Variants in KSR2 observed in about 807,000 individuals in gnomAD.
The protein encoded by KSR2 is kinase suppressor of ras 2.
A neutral mutation model predicts 107.8 loss-of-function variants in KSR2; 25 were observed. The observed-to-expected ratio is 0.23, with a 90% CI of 0.17 to 0.32. KSR2 has a LOEUF of 0.32. Ranked by LOEUF, KSR2 falls within the 10% of genes least tolerant of loss-of-function variation. The pLI is 1.00. For synonymous variants in KSR2, 480 were observed against 507.0 expected, an observed-to-expected ratio of 0.95 and a Z score of 0.71; for missense variants, 887 against 1,268.9, an observed-to-expected ratio of 0.70 and a Z score of 4.57.
At chr12:117,667,321 G>A (rs953384330) in intron 5 of KSR2, among the ~76,000 whole-genome samples, 153 bp downstream of exon 5, 2 of 152,288 alleles carry the variant, frequency 1.3e-5, no homozygotes, top group African/African-American at 2.4e-5. Flanking sequence ...GGGGGGCTGT[G>A]GGCAGATGAT....
chr12:117,847,156 C>T (rs1360961318), intron 3 of KSR2, among the ~76,000 whole-genome samples: 1 of 152,150 alleles, frequency 6.6e-6, no homozygotes, highest in Non-Finnish European at 1.5e-5. Context: ...CTGTGGGCTC[C>T]GGGAGGAGCA....
At position 117,886,105 on chromosome 12, in the gene KSR2, A is replaced by G. The variant is rs943642477; in HGVS notation, c.181-25674T>C. 3.7e-4 allele frequency among the ~76,000 whole-genome samples: 56 copies of G among 151,862 alleles called. 1 individual carries two copies. The highest frequency in any genetic ancestry group is 1.2e-3 in the African/African-American group (51 of 41,460). On this transcript the variant is annotated intron_variant, in intron 1 of 19. Transcript: ENST00000339824. The stretch of plus-strand genomic sequence containing the variant: ...ACTGAGACTCCGTCTCAAAAAAAAA[A>G]AAAACCTGCACATTCTGCACAAGTA...
intron 4 of KSR2, among the ~76,000 whole-genome samples, chr12:117,711,803 T>C (rs1177801800): frequency 6.6e-6 from 1 of 152,184 alleles, no homozygotes; most frequent in Non-Finnish European, 1.5e-5. Context: ...TGCTATAATA[T>C]ACAAAGCAGA....
intron 14 of KSR2, among the ~76,000 whole-genome samples, chr12:117,486,970 A>T (rs896626194): frequency 6.6e-6 from 1 of 151,940 alleles, no homozygotes; most frequent in Non-Finnish European, 1.5e-5. Flanking sequence ...CTGATCTGTC[A>T]TTTAGTGGCT....
chr12:117,741,876 T>C (rs2136786218), intron 4 of KSR2, among the ~76,000 whole-genome samples: 1 of 152,360 alleles, frequency 6.6e-6, no homozygotes, highest in African/African-American at 2.4e-5. Context: ...AAACTCATAG[T>C]GAAATTTTGA....
At chr12:117,652,022 A>G (rs1883924810) in intron 5 of KSR2, among the ~76,000 whole-genome samples, 1 of 152,222 alleles carries the variant, frequency 6.6e-6, no homozygotes. Context: ...CAAAGTGGCA[A>G]TCAGAATACT....
intron 14 of KSR2, chr12:117,517,809 G>T (rs1565880617): frequency 1.1e-5 from 5 of 455,304 alleles, no homozygotes; most frequent in South Asian, 6.2e-5. Flanking sequence ...ATGTGCTCAG[G>T]CCCCCCAACT....
chr12:117,929,291 C>T (rs908798838), intron 1 of KSR2, among the ~76,000 whole-genome samples: 2 of 152,306 alleles, frequency 1.3e-5, no homozygotes, highest in South Asian at 4.1e-4. Context: ...AGGGTCCCAA[C>T]TGGGAGATAA....
intron 1 of KSR2, among the ~76,000 whole-genome samples, chr12:117,906,656 C>T (rs1894859715): frequency 6.6e-6 from 1 of 151,934 alleles, no homozygotes; most frequent in East Asian, 1.9e-4. Context: ...TAGGGAGGTA[C>T]AATCTTTTGA....
intron 6 of KSR2, among the ~76,000 whole-genome samples, chr12:117,580,842 G>C (rs1314390307): frequency 6.6e-6 from 1 of 152,098 alleles, no homozygotes; most frequent in Non-Finnish European, 1.5e-5. Context: ...TGAGCCAGAG[G>C]AGTGGCTGAC....
intron 4 of KSR2, among the ~76,000 whole-genome samples, chr12:117,700,048 C>CT (rs370253048): frequency 3.1e-4 from 44 of 143,658 alleles, no homozygotes; most frequent in South Asian, 4.3e-4. Context: ...AATTTTGGTA[C>CT]TTTTTTTTTT....
At position 117,618,413 on chromosome 12, in the gene KSR2, C is replaced by T. The variant is rs143727461; in HGVS notation, c.1172-36054G>A. 2.0e-3 allele frequency among the ~76,000 whole-genome samples: 309 copies of T among 152,066 alleles called. 1 individual carries two copies. The highest frequency in any genetic ancestry group is 6.5e-3 in the African/African-American group (270 of 41,494). On this transcript the variant is annotated intron_variant, in intron 5 of 19. Transcript: ENST00000339824. ...CTATTCAGCTTCTTAGTCTCTCAGC[C>T]GCCATTTTGGAATTAGCAAGTATCT...
intron 9 of KSR2, among the ~76,000 whole-genome samples, chr12:117,544,317 T>C (rs1876704574): frequency 6.6e-6 from 1 of 152,180 alleles, no homozygotes; most frequent in South Asian, 2.1e-4. Context: ...ATTGCTAGTA[T>C]ATAGAAATAT....
At chr12:117,666,904 C>T (rs1001970079) in intron 5 of KSR2, among the ~76,000 whole-genome samples, 6 of 152,136 alleles carry the variant, frequency 3.9e-5, no homozygotes, top group Non-Finnish European at 2.9e-5. Context: ...GTTCCATTTC[C>T]GCTCCAAGTA....
intron 17 of KSR2, among the ~76,000 whole-genome samples, chr12:117,472,249 C>G (rs1871505228): frequency 6.6e-6 from 1 of 152,186 alleles, no homozygotes; most frequent in African/African-American, 2.4e-5. Flanking sequence ...GGATTTACCA[C>G]ATTATTTTCT....
chr12:117,883,901 G>C (rs1271059983), intron 1 of KSR2, among the ~76,000 whole-genome samples: 2 of 146,964 alleles, frequency 1.4e-5, no homozygotes, highest in Admixed American at 1.4e-4. Flanking sequence ...AAAAGGAAAT[G>C]AGGTCAAAGA....
chr12:117,621,569 G>A (rs1882197168), intron 5 of KSR2, among the ~76,000 whole-genome samples: 1 of 152,122 alleles, frequency 6.6e-6, no homozygotes, highest in South Asian at 2.1e-4. Flanking sequence ...ATGAAAAGGG[G>A]CTGGTACAGA....
intron 3 of KSR2, among the ~76,000 whole-genome samples, chr12:117,806,200 T>C (rs1239155464): frequency 1.3e-5 from 2 of 152,124 alleles, no homozygotes; most frequent in East Asian, 3.9e-4. Context: ...AATATGGGAT[T>C]CCGGAGGCAC....
chr12:117,809,148 T>G (rs1268399325), intron 3 of KSR2, among the ~76,000 whole-genome samples: 1 of 152,164 alleles, frequency 6.6e-6, no homozygotes, highest in Non-Finnish European at 1.5e-5. Context: ...CTACTGAGAC[T>G]TTAAGGTTTA....
Sources: allele counts gnomAD v4.1 joint callset (sites outside exome capture counted in the v4.1 genomes callset), GRCh38; gene constraint gnomAD v4.1.1; transcripts MANE v1.5; gene names NCBI Gene and HGNC (gene_info 2026-07-23, HGNC 2026-07-21).